OBSL1: variants seen among roughly 807,000 people sequenced by gnomAD.
OBSL1 encodes obscurin-like protein 1.
Under a neutral mutation model 172.0 loss-of-function variants are expected in OBSL1, and 160 were observed. The observed-to-expected ratio is 0.93, with a 90% CI of 0.82 to 1.06. The LOEUF (loss-of-function observed/expected upper bound fraction) is 1.06, where lower values mean the gene tolerates loss of function less well. OBSL1 is among the 50% of genes least tolerant of loss of function. The pLI is 0.00. For synonymous variants in OBSL1, 1,200 were observed against 1,196.3 expected (o/e 1.00, Z -0.06); for missense variants, 2,681 against 2,715.4 (o/e 0.99, Z 0.28).
chr2:219,547,436 C>G, downstream of OBSL1: 2 of 1,254,740 alleles, frequency 1.6e-6, no homozygotes, highest in Non-Finnish European at 2.1e-6. Context: ...ATGTCCTTGA[C>G]CCCTTGGACC....
intron 12 of OBSL1, 188 bp from the exon 13 acceptor site, chr2:219,556,911 T>G: frequency 3.1e-6 from 2 of 636,878 alleles, no homozygotes; most frequent in East Asian, 2.8e-5. Flanking sequence ...TTTTAGTCAG[T>G]TCCTCATAAT....
downstream of OBSL1, chr2:219,550,703 C>T (rs528598580): frequency 4.8e-6 from 6 of 1,252,092 alleles, no homozygotes; most frequent in Admixed American, 6.2e-5. Flanking sequence ...TCTGCCCCCC[C>T]ACATCACTCA....
At chr2:219,555,598 A>T in intron 14 of OBSL1, 1 of 1,000,684 alleles carries the variant, frequency 1.0e-6, no homozygotes, top group South Asian at 4.4e-5. Flanking sequence ...ATTTTTAAGG[A>T]GACTTGGCTC....
chr2:219,564,871 T>C (rs1696765829), intron 6 of OBSL1, among the ~76,000 whole-genome samples: 1 of 152,092 alleles, frequency 6.6e-6, no homozygotes, highest in Non-Finnish European at 1.5e-5. Context: ...AGGTCAGGGG[T>C]GACCTAACCA....
Position 219,553,020 on chromosome 2 carries a change from C to G in OBSL1, c.4994G>C (p.Gly1665Ala), listed in dbSNP as rs2106011280. ...ALADVTWEKD[G>A]NALTPSPRLR... is the part of the protein sequence containing the mutation. ...CCGCGGGCTAGGCGTAAGCGCGTTC[C>G]CGTCCTAGGGGCGGGAGTTGCAGAG... The change falls in exon 17 of 21, where the codon GGG (glycine) becomes GCG (alanine). Residue 1665 changes from glycine (G) to alanine (A), a missense_variant. Transcript: ENST00000404537. 6.6e-7 allele frequency: 1 copy of G among 1,511,006 alleles called. No individual in the cohort carries two copies. The allele number at this position is 1,511,006 out of a possible 1,614,324, so 93.6% of individuals were successfully genotyped here.
chr2:219,570,169 G>A, intron 1 of OBSL1, 52 bp downstream of exon 1: 3 of 1,431,340 alleles, frequency 2.1e-6, no homozygotes, highest in Non-Finnish European at 2.8e-6. Flanking sequence ...GGAGTTCGGA[G>A]GGCCTCGGAG....
In OBSL1 at chr2:219,570,611, C is replaced by T. The variant is rs1027952651; in HGVS notation, c.622G>A (p.Val208Met). 5 of 1,516,104 alleles carry T rather than the reference C, an allele frequency of 3.3e-6. No individual in the cohort carries two copies. The highest frequency in any genetic ancestry group is 2.1e-5 in the Admixed American group (1 of 47,210). The allele number at this position is 1,516,104 out of a possible 1,614,324, so 93.9% of individuals were successfully genotyped here. A position where few individuals can be genotyped will look rare whatever the true frequency, so the allele number is the denominator to read the frequency against. ...AARLPDSGVY[V>M]CHARNAHGHA... The stretch of plus-strand genomic sequence containing the variant: ...CCGTGCGCGTTGCGGGCGTGGCACA[C>T]GTAGACGCCGGAATCCGGCAGCCGA... Residue 208 changes from valine (V) to methionine (M), a missense_variant, in exon 1 of 21, where the codon GTG becomes ATG. Val to Met is a conservative substitution (Grantham distance 21). Transcript: ENST00000404537.
chr2:219,552,453 C>A, intron 18 of OBSL1, 83 bp downstream of exon 18: 1 of 1,375,402 alleles, frequency 7.3e-7, no homozygotes, highest in Non-Finnish European at 9.6e-7. Flanking sequence ...GAGCCAGGGG[C>A]GGGGCTTGTC....
At chr2:219,550,628 C>G, downstream of OBSL1, 1 of 609,250 alleles carries the variant, frequency 1.6e-6, no homozygotes, top group Non-Finnish European at 2.8e-6. Flanking sequence ...CTTTCATGGG[C>G]CAGGTACAAG....
At position 219,556,215 on chromosome 2, in the gene OBSL1, TC is replaced by T. The variant is rs1184134717; in HGVS notation, c.4413del (p.Thr1472GlnfsTer64). 18 of 1,610,280 alleles carry T rather than the reference TC, an allele frequency of 1.1e-5. No individual in the cohort carries two copies. Among genetic ancestry groups the T allele is most frequent in the Non-Finnish European group, 1.4e-5 (17 of 1,177,856 alleles). On this transcript the variant is annotated frameshift_variant, in exon 14 of 21. Transcript: ENST00000404537. LOFTEE classifies it high-confidence loss of function. The stretch of plus-strand genomic sequence containing the variant: ...GCCCCCGCTGCACCCACTCGGCCTG[TC>T]TCCACTTCGAGACACACATCCTGGC... ...EEGQDVCLEV[E>X]TGRVGAAGAV...
Position 219,567,101 on chromosome 2 carries a change from A to T in OBSL1, c.1863T>A (p.Gly621=), listed in dbSNP as rs376569920. The T allele has an allele frequency of 3.7e-6, 6 of 1,612,998 alleles. No homozygotes were observed. The African/African-American group carries it at 8.0e-5, about 22-fold the overall frequency. ...CGTCGTATACCTGCACATCCTCCAG[A>T]CCTGCCACCAGGCGAGCTGTGGGCA... The part of the protein sequence containing the change: ...HLVPTARLVA[G]LEDVQVYDGE... Residue 621 remains glycine, a synonymous_variant, in exon 5 of 21, where the codon GGT becomes GGA. Transcript: ENST00000404537.
Position 219,570,369 on chromosome 2 carries a change from C to T in OBSL1, c.864G>A (p.Pro288=). 1 of 1,612,886 alleles carries T rather than the reference C, an allele frequency of 6.2e-7. No homozygotes were observed. The highest frequency in any genetic ancestry group is 1.1e-5 in the South Asian group (1 of 91,066). The change falls in exon 1 of 21, where the codon CCG becomes CCA. Residue 288 remains proline, a synonymous_variant. Transcript: ENST00000404537. ...EWHWEGRPLL[P]DRRRLMYRDR... is the part of the protein sequence containing the mutation. ...CGCGGTACATGAGGCGGCGGCGGTC[C>T]GGGAGCAGCGGGCGGCCCTCCCAGT... is the stretch of plus-strand genomic sequence containing the variant.
intron 6 of OBSL1, 132 bp from the exon 7 acceptor site, chr2:219,563,759 C>A (rs1696672970): frequency 1.0e-6 from 1 of 970,304 alleles, no homozygotes; most frequent in African/African-American, 1.6e-5. Context: ...TGTGTAGGGA[C>A]TCAGGGACAA....
At position 219,567,297 on chromosome 2, in the gene OBSL1, C is replaced by A; in HGVS notation, c.1813G>T (p.Val605Leu). 1 of 1,601,604 alleles carries A rather than the reference C, an allele frequency of 6.2e-7. No homozygotes were observed. Among genetic ancestry groups the A allele is most frequent in the Non-Finnish European group, 8.5e-7 (1 of 1,170,668 alleles). The change falls in exon 4 of 21, where the codon GTG (valine) becomes TTG (leucine). Residue 605 changes from valine (V) to leucine (L), a missense_variant. This residue lies in a region of OBSL1 where 53 missense variants were observed against 85.5 expected (regional missense o/e 0.62). Transcript: ENST00000404537. ...CCAAGGTGAGCAGAACCGTGGAACA[C>A]CACGTGGGGACTACGGCCATGTCCG... ...VSGHGRSPHVVFHGSAHLVPT... is the reference protein window; with the variant it reads ...VSGHGRSPHVLFHGSAHLVPT...
chr2:219,562,537 C>T lies in OBSL1; in HGVS notation c.2818G>A (p.Glu940Lys). ...RWTKDGEEVVESPALLLQKED... is the reference protein window; with the variant it reads ...RWTKDGEEVVKSPALLLQKED... ...TTCTGCAGGAGCAGCGCGGGGCTCT[C>T]CACCACCTCCTCTCCATCCTTGGTC... Residue 940 changes from glutamate to lysine, a missense_variant, in exon 8 of 21, where the codon GAG becomes AAG. Physicochemically the swap from Glu to Lys is moderately conservative, Grantham distance 56 (BLOSUM62 1). Around this residue, in one of 5 missense-constraint regions of OBSL1, gnomAD observed 1,765 missense variants for 1,748.3 expected, o/e 1.01. Transcript: ENST00000404537. 3 of 1,613,946 alleles carry T rather than the reference C, an allele frequency of 1.9e-6. No homozygotes were observed. The highest frequency in any genetic ancestry group is 2.5e-6 in the Non-Finnish European group (3 of 1,179,878).
downstream of OBSL1, chr2:219,549,094 C>T: frequency 6.3e-7 from 1 of 1,599,040 alleles, no homozygotes; most frequent in Non-Finnish European, 8.6e-7. Flanking sequence ...AGAGGGAGGG[C>T]TCAAGGGAAA....
intron 14 of OBSL1, 56 bp downstream of exon 14, chr2:219,555,964 C>T (rs759419959): frequency 1.3e-6 from 2 of 1,583,696 alleles, no homozygotes; most frequent in East Asian, 4.5e-5. Context: ...CCAGGACAGC[C>T]AGAAAAGGCT....
At position 219,557,829 on chromosome 2, in the gene OBSL1, C is replaced by A. The variant is rs1163219784; in HGVS notation, c.3784G>T (p.Val1262Leu). ...ATGCCCAGGCTGTACTCACCAGCCA[C>A]CTGGACGGTGAAGCTGAGGCTTGGG... ...GAPSLSFTVQ[V>L]AEPPVRVVAP... Residue 1262 changes from valine (V) to leucine (L), a missense_variant, in exon 11 of 21, where the codon GTG becomes TTG. By Grantham distance (32) the Val-to-Leu change is conservative. Around this residue, in one of 5 missense-constraint regions of OBSL1, gnomAD observed 1,765 missense variants for 1,748.3 expected, o/e 1.01. Transcript: ENST00000404537. The A allele has an allele frequency of 1.3e-6, 2 of 1,597,728 alleles. No individual in the cohort carries two copies. The highest frequency in any genetic ancestry group is 3.3e-4 in the Middle Eastern group (2 of 5,978).
At chr2:219,550,891 C>T (rs1186082100) in intron 20 of OBSL1, 49 bp from the exon 21 acceptor site, 1 of 1,598,382 alleles carries the variant, frequency 6.3e-7, no homozygotes, top group Non-Finnish European at 8.5e-7. Flanking sequence ...GGGGGTACCA[C>T]CTTCCTCTCC....
Sources: allele counts gnomAD v4.1 joint callset (sites outside exome capture counted in the v4.1 genomes callset), GRCh38; gene constraint gnomAD v4.1.1; regional missense constraint gnomAD v4.1.1; transcripts MANE v1.5; gene names NCBI Gene and HGNC (gene_info 2026-07-23, HGNC 2026-07-21).